The following RALYL variants were observed in gnomAD, a reference collection of about 807,000 sequenced individuals.
RALYL encodes RNA-binding Raly-like protein.
In RALYL, 29 loss-of-function variants were observed where a neutral mutation model predicts 35.1. The ratio of observed to expected loss-of-function variants is 0.83; its 90% CI spans 0.61 to 1.13. RALYL has a LOEUF of 1.13. Among genes scored for constraint, RALYL ranks in the 50% most tolerant of loss-of-function variants. The probability of loss-of-function intolerance (pLI) is 0.00; values close to 1 mark genes in which losing one functional copy is unlikely to be tolerated. For missense variants in RALYL, 359 were observed against 360.4 expected (o/e 1.00, Z 0.03); for synonymous variants, 120 against 127.6 (o/e 0.94, Z 0.40).
chr8:84,378,663 A>G (rs921762131), intron 1 of RALYL, among the ~76,000 whole-genome samples: 12 of 151,884 alleles, frequency 7.9e-5, no homozygotes, highest in Admixed American at 6.6e-4. Flanking sequence ...AGAGTCTAGA[A>G]TTATGATAAT....
chr8:84,324,591 G>GTTT (rs145127532), intron 1 of RALYL, among the ~76,000 whole-genome samples: 20 of 151,272 alleles, frequency 1.3e-4, no homozygotes, highest in African/African-American at 4.6e-4. Context: ...GTAAATAGTT[G>GTTT]TGTTTTTTTT....
intron 1 of RALYL, among the ~76,000 whole-genome samples, chr8:84,293,146 T>A (rs1226785360): frequency 6.6e-6 from 1 of 152,150 alleles, no homozygotes; most frequent in Non-Finnish European, 1.5e-5. Context: ...TTTAACTACT[T>A]TTTTAAGTTT....
At chr8:84,470,002 G>A (rs1386073620) in intron 1 of RALYL, among the ~76,000 whole-genome samples, 11 of 152,052 alleles carry the variant, frequency 7.2e-5, no homozygotes, top group East Asian at 1.9e-4. Flanking sequence ...TTCGGCTCGC[G>A]CACGGTGCGC....
At chr8:84,702,453 A>G (rs1840354490) in intron 2 of RALYL, among the ~76,000 whole-genome samples, 3 of 152,058 alleles carry the variant, frequency 2.0e-5, no homozygotes, top group African/African-American at 7.2e-5. Flanking sequence ...CAAAATTGGG[A>G]TAGAGATACT....
intron 5 of RALYL, among the ~76,000 whole-genome samples, chr8:84,857,547 A>G (rs1166973731): frequency 6.6e-6 from 1 of 152,216 alleles, no homozygotes; most frequent in African/African-American, 2.4e-5. Context: ...GTTTTAAACC[A>G]CGTTTGTTGA....
intron 8 of RALYL, among the ~76,000 whole-genome samples, chr8:84,904,750 A>T (rs1464870372): frequency 6.6e-6 from 1 of 152,142 alleles, no homozygotes; most frequent in Non-Finnish European, 1.5e-5. Context: ...AATCCTAAAA[A>T]ATGGCACTGT....
At chr8:84,312,789 T>C (rs757030234) in intron 1 of RALYL, among the ~76,000 whole-genome samples, 12 of 152,198 alleles carry the variant, frequency 7.9e-5, no homozygotes, top group Non-Finnish European at 1.6e-4. Flanking sequence ...CTGTGGCTTT[T>C]CCAAGCACAT....
At chr8:84,486,009 CTT>C (rs3043836) in intron 1 of RALYL, among the ~76,000 whole-genome samples, 30,423 of 103,612 alleles carry the variant, frequency 0.29, 2,211 homozygotes, top group South Asian at 0.4. Flanking sequence ...AAATCAAAAG[CTT>C]TTTTTTTTTT....
At chr8:84,426,512 T>C (rs1563910174) in intron 1 of RALYL, among the ~76,000 whole-genome samples, 1 of 151,298 alleles carries the variant, frequency 6.6e-6, no homozygotes, top group Non-Finnish European at 1.5e-5. Context: ...CATGCAATAC[T>C]TTCCTTTCTA....
At chr8:84,458,288 G>T (rs1221285346) in intron 1 of RALYL, among the ~76,000 whole-genome samples, 1 of 151,720 alleles carries the variant, frequency 6.6e-6, no homozygotes. Flanking sequence ...TTCATACCCT[G>T]GCTGAGTGTA....
rs1811757110 is a variant in RALYL, at chr8:84,183,542, A to G, written c.-906A>G. The G allele has an allele frequency of 6.6e-6, 1 of 152,270 alleles. No individual in the cohort carries two copies. Among genetic ancestry groups the G allele is most frequent in the African/African-American group, 2.4e-5 (1 of 41,464 alleles). The allele number at this position is 152,270 out of a possible 1,614,324, so 9.4% of individuals were successfully genotyped here. ...CCACCGCCATACTGTATTTTATACT[A>G]AATCTCATTTTTATTCCAACATTTT... is the stretch of plus-strand genomic sequence containing the variant. On this transcript the variant is annotated 5_prime_UTR_variant, in exon 1 of 9. Transcript: ENST00000521268.
chr8:84,814,493 T>TTGA (rs1440701496), intron 4 of RALYL, among the ~76,000 whole-genome samples: 2 of 152,208 alleles, frequency 1.3e-5, no homozygotes, highest in African/African-American at 4.8e-5. Flanking sequence ...AGTAGAAATA[T>TTGA]TGATACATTT....
At chr8:84,738,478 A>C (rs989608407) in intron 2 of RALYL, among the ~76,000 whole-genome samples, 8 of 152,000 alleles carry the variant, frequency 5.3e-5, no homozygotes, top group Non-Finnish European at 2.9e-5. Context: ...CACACTTCAA[A>C]CTTAGATTTG....
chr8:84,595,437 A>C (rs750506146), intron 2 of RALYL, among the ~76,000 whole-genome samples: 4 of 152,154 alleles, frequency 2.6e-5, no homozygotes, highest in Admixed American at 1.3e-4. Flanking sequence ...ACTGATGTAC[A>C]ATGAGTCTAC....
At chr8:84,344,269 CA>C (rs1421379729) in intron 1 of RALYL, among the ~76,000 whole-genome samples, 2 of 151,664 alleles carry the variant, frequency 1.3e-5, no homozygotes, top group Non-Finnish European at 2.9e-5. Context: ...TTTTGTTATG[CA>C]AAAAAATAGA....
At chr8:84,558,580 T>A (rs1444803081) in intron 2 of RALYL, among the ~76,000 whole-genome samples, 2 of 152,188 alleles carry the variant, frequency 1.3e-5, no homozygotes, top group African/African-American at 4.8e-5. Flanking sequence ...TTCTGTGCTA[T>A]TTCTGTTAGT....
intron 1 of RALYL, among the ~76,000 whole-genome samples, chr8:84,492,013 T>C (rs957876329): frequency 4.6e-5 from 7 of 152,110 alleles, no homozygotes; most frequent in African/African-American, 1.4e-4. Context: ...ATAAAGCATT[T>C]TTTAGAAGTC....
At chr8:84,588,361 G>A (rs1439992429) in intron 2 of RALYL, among the ~76,000 whole-genome samples, 1 of 152,178 alleles carries the variant, frequency 6.6e-6, no homozygotes, top group Non-Finnish European at 1.5e-5. Flanking sequence ...GGCTCACTCA[G>A]AGGGCCTACC....
chr8:84,241,777 CAAAAA>C (rs35007112), intron 1 of RALYL, among the ~76,000 whole-genome samples: 1 of 110,562 alleles, frequency 9.0e-6, no homozygotes, highest in Non-Finnish European at 1.9e-5. Context: ...GACTGTGTCT[CAAAAA>C]AAAAAAAAAA....
Sources: allele counts gnomAD v4.1 joint callset (sites outside exome capture counted in the v4.1 genomes callset), GRCh38; gene constraint gnomAD v4.1.1; transcripts MANE v1.5; gene names NCBI Gene and HGNC (gene_info 2026-07-23, HGNC 2026-07-21).